Variants in RDH13 observed in about 807,000 individuals in gnomAD.
RDH13 encodes retinol dehydrogenase 13 (all-trans and 9-cis).
RDH13 carries 35 observed loss-of-function variants against 28.3 expected under a neutral mutation model. The observed-to-expected ratio is 1.24, with a 90% CI of 0.95 to 1.64. RDH13 has a LOEUF of 1.64. Ranked by LOEUF, RDH13 falls within the 40% of genes most tolerant of loss-of-function variation. RDH13 has a pLI of 0.00. For missense variants in RDH13, 514 were observed against 446.3 expected, an observed-to-expected ratio of 1.15 and a Z score of -1.37; for synonymous variants, 229 against 198.5, an observed-to-expected ratio of 1.15 and a Z score of -1.29.
intron 5 of RDH13, chr19:55,048,005 T>C (rs373263681): frequency 2.2e-6 from 3 of 1,353,976 alleles, no homozygotes; most frequent in Non-Finnish European, 9.7e-7. Flanking sequence ...TTTCCAGGCA[T>C]TGACAACTGC....
At chr19:55,055,124 G>T (rs1191998016) in intron 3 of RDH13, among the ~76,000 whole-genome samples, 2 of 152,082 alleles carry the variant, frequency 1.3e-5, no homozygotes, top group Non-Finnish European at 2.9e-5. Context: ...TGATTCTCCT[G>T]GGGCTGGTGC....
chr19:55,043,927 T>TTC (rs60348001), downstream of RDH13, among the ~76,000 whole-genome samples: 30,479 of 150,724 alleles, frequency 0.2, 3,570 homozygotes, highest in East Asian at 0.56. Context: ...GAACTTTTTT[T>TTC]TTTTTTTGAG....
At chr19:55,045,582 G>C (rs1218435608) in intron 6 of RDH13, among the ~76,000 whole-genome samples, 2 of 152,182 alleles carry the variant, frequency 1.3e-5, no homozygotes, top group Non-Finnish European at 2.9e-5. Context: ...GTCAGCCCCA[G>C]TCCTCACCCT....
At chr19:55,040,051 T>A (rs1433559996), downstream of RDH13, among the ~76,000 whole-genome samples, 3 of 152,128 alleles carry the variant, frequency 2.0e-5, no homozygotes, top group East Asian at 5.8e-4. Flanking sequence ...AGTTACTATT[T>A]AATAGGGAGC....
upstream of RDH13, chr19:55,063,331 T>A (rs2075873205): frequency 5.5e-6 from 2 of 363,908 alleles, no homozygotes; most frequent in Non-Finnish European, 4.9e-6. Context: ...TTTGTTCGAA[T>A]GACGTCACAC....
intron 6 of RDH13, 62 bp downstream of exon 6, chr19:55,047,325 T>C: frequency 6.3e-7 from 1 of 1,576,190 alleles, no homozygotes; most frequent in Non-Finnish European, 8.6e-7. Context: ...TCCTGGGCCC[T>C]GGGCTGAGAA....
intron 3 of RDH13, 126 bp downstream of exon 3, chr19:55,056,527 T>A: frequency 8.4e-7 from 1 of 1,197,546 alleles, no homozygotes; most frequent in Non-Finnish European, 1.1e-6. Flanking sequence ...GCAACTGGAC[T>A]TGGCCCCTAA....
intron 3 of RDH13, among the ~76,000 whole-genome samples, chr19:55,052,269 A>C (rs1202236186): frequency 2.0e-5 from 3 of 151,602 alleles, no homozygotes; most frequent in African/African-American, 7.3e-5. Context: ...GTAGCCGGGC[A>C]TGGTGGCAGG....
upstream of RDH13, among the ~76,000 whole-genome samples, chr19:55,066,764 C>A (rs1216830537): frequency 6.6e-6 from 1 of 151,916 alleles, no homozygotes; most frequent in East Asian, 1.9e-4. Flanking sequence ...CTCCCCCCAA[C>A]TCTCTTTCCC....
intron 3 of RDH13, among the ~76,000 whole-genome samples, chr19:55,055,206 G>C (rs998210699): frequency 1.3e-5 from 2 of 152,030 alleles, no homozygotes; most frequent in African/African-American, 4.8e-5. Flanking sequence ...AGGCTGGAGT[G>C]CACTGGCACA....
chr19:55,068,187 C>T (rs1303382721), intron 1 of RDH13, among the ~76,000 whole-genome samples: 2 of 151,764 alleles, frequency 1.3e-5, no homozygotes, highest in African/African-American at 2.4e-5. Context: ...CTCTCTCCCC[C>T]CAACTCTCTC....
chr19:55,045,312 G>A lies in RDH13; in HGVS notation c.761-3C>T, dbSNP rs374851827. On this transcript the variant is annotated splice_region_variant and splice_polypyrimidine_tract_variant and intron_variant, in intron 6 of 6. Coordinates refer to ENST00000415061, the MANE Select transcript of RDH13 (RefSeq NM_001145971.2). ...GACCAGCAGCCAGAAGATGGGCCCTGCAATCAGCCCACAGGGCATTTAGTC... is the reference window on the plus strand; with the variant it reads ...GACCAGCAGCCAGAAGATGGGCCCTACAATCAGCCCACAGGGCATTTAGTC... 1.9e-4 allele frequency: 300 copies of A among 1,608,960 alleles called. 1 individual carries two copies. In the African/African-American group the frequency reaches 3.8e-3, roughly 21 times the overall value.
intron 6 of RDH13, chr19:55,046,486 C>G (rs1429036049): frequency 2.0e-5 from 3 of 151,242 alleles, no homozygotes; most frequent in Admixed American, 6.6e-5. Flanking sequence ...TGGTCTCGAA[C>G]TCCTGACCTG....
chr19:55,039,540 T>G (rs527697793), downstream of RDH13: 2 of 151,738 alleles, frequency 1.3e-5, no homozygotes, highest in East Asian at 1.9e-4. Context: ...AGAGTGAGAC[T>G]GTCTCAAAAA....
upstream of RDH13, among the ~76,000 whole-genome samples, chr19:55,064,978 C>T (rs993525302): frequency 3.4e-5 from 5 of 148,616 alleles, no homozygotes; most frequent in African/African-American, 9.9e-5. Context: ...TGAAGGTGGA[C>T]GGTGGTGATG....
chr19:55,051,534 G>C (rs1029518339), intron 3 of RDH13, among the ~76,000 whole-genome samples: 1 of 64,564 alleles, frequency 1.5e-5, no homozygotes, highest in South Asian at 4.4e-4. Flanking sequence ...GGGTTCAGGC[G>C]ATTCTGCTGC....
upstream of RDH13, chr19:55,067,460 TGCATATGAGAGATATTGTG>T (rs755954272): frequency 5.9e-5 from 9 of 151,934 alleles, no homozygotes; most frequent in Non-Finnish European, 1.3e-4. Flanking sequence ...GGGACAGGAA[TGCATATGAGAGATATTGTG>T]GGAGGAGGGA....
rs1358072216 is a variant in RDH13, at chr19:55,063,073, G to A, written c.-41C>T. 1.7e-5 allele frequency: 20 copies of A among 1,160,716 alleles called. No individual in the cohort carries two copies. The highest frequency in any genetic ancestry group is 1.1e-4 in the Admixed American group (2 of 18,120). The allele number at this position is 1,160,716 out of a possible 1,614,324, so 71.9% of individuals were successfully genotyped here. A position where few individuals can be genotyped will look rare whatever the true frequency, so the allele number is the denominator to read the frequency against. On this transcript the variant is annotated 5_prime_UTR_variant, in exon 1 of 7. Transcript: ENST00000415061. Reference sequence around the variant, plus strand: ...GGCGTCAGGCGTCAGGGGTCGGCGCGGAGCTTGCTGCACACCAGCCGCCTG... The same window carrying A: ...GGCGTCAGGCGTCAGGGGTCGGCGCAGAGCTTGCTGCACACCAGCCGCCTG...
chr19:55,048,246 C>T (rs1490049431), intron 5 of RDH13, 83 bp downstream of exon 5: 1 of 1,586,332 alleles, frequency 6.3e-7, no homozygotes, highest in Admixed American at 1.8e-5. Context: ...CACCGTTTGG[C>T]CTCCCATCAG....
Sources: gnomAD v4.1 joint callset for allele counts (sites outside exome capture counted in the v4.1 genomes callset) on GRCh38, gnomAD v4.1.1 for gene constraint, MANE v1.5 for transcripts, NCBI Gene and HGNC (gene_info 2026-07-23, HGNC 2026-07-21) for gene names.